Variants in HDAC4 observed in about 807,000 individuals in gnomAD.
The protein encoded by HDAC4 is histone deacetylase A.
In HDAC4, 16 loss-of-function variants were observed where a neutral mutation model predicts 135.1. The ratio of observed to expected loss-of-function variants is 0.12; its 90% CI spans 0.08 to 0.18. The LOEUF is 0.18. Among genes scored for constraint, HDAC4 ranks in the 10% least tolerant of loss-of-function variants. HDAC4 has a pLI of 1.00. For synonymous variants in HDAC4, 685 were observed against 653.4 expected, an observed-to-expected ratio of 1.05 and a Z score of -0.74; for missense variants, 1,143 against 1,511.8, an observed-to-expected ratio of 0.76 and a Z score of 4.05.
Position 239,352,902 on chromosome 2 carries a change from G to A in HDAC4, c.-203C>T. The A allele has an allele frequency of 1.6e-6, 1 of 609,648 alleles. No individual in the cohort carries two copies. Among genetic ancestry groups the A allele is most frequent in the African/African-American group, 1.8e-5 (1 of 54,316 alleles). 37.8% of individuals were successfully genotyped at this position (609,648 alleles called of 1,614,324 possible). A position where few individuals can be genotyped will look rare whatever the true frequency, so the allele number is the denominator to read the frequency against. ...CACAAGTTGAACAGAGGCGTCCGCT[G>A]GCTTCTGCAGATGAACCTGCAAGGT... is the stretch of plus-strand genomic sequence containing the variant. On this transcript the variant is annotated 5_prime_UTR_variant, in exon 2 of 27. Transcript: ENST00000543185. This position sits in a 1 kb window ranked among gnomAD's most constrained non-coding sequence, Gnocchi z 4.4.
chr2:239,259,750 G>C (rs1472125833), intron 2 of HDAC4, among the ~76,000 whole-genome samples: 1 of 152,254 alleles, frequency 6.6e-6, no homozygotes, highest in African/African-American at 2.4e-5. Context: ...GACTAATGAA[G>C]AGGAAAGATC....
At chr2:239,199,732 ATTTCT>A (rs2153070037) in intron 3 of HDAC4, among the ~76,000 whole-genome samples, 1 of 102,206 alleles carries the variant, frequency 9.8e-6, no homozygotes, top group South Asian at 4.6e-4. Context: ...CTTCCTGTAC[ATTTCT>A]TTTTTTTTTT....
chr2:239,318,608 C>T (rs1409601593), intron 2 of HDAC4, among the ~76,000 whole-genome samples: 1 of 151,338 alleles, frequency 6.6e-6, no homozygotes, highest in Non-Finnish European at 1.5e-5. Context: ...AGAGTGACCA[C>T]GCTTATCTGA....
rs954860488 is a variant in HDAC4, at chr2:239,141,696, C to T, written c.866-1900G>A. ...GCTGTCTCCAGCTACACACCAAGAT[C>T]CAGCAGATCTTCCCTGTAATGGGTG... On this transcript the variant is annotated intron_variant, in intron 8 of 26. Coordinates refer to ENST00000543185, the MANE Select transcript of HDAC4 (RefSeq NM_001378414.1). The surrounding 1 kb of genome is among the most constrained non-coding windows in gnomAD (Gnocchi z 4.9). Among the ~76,000 whole-genome samples the T allele has an allele frequency of 2.0e-4, 31 of 152,176 alleles. No individual in the cohort carries two copies. The highest frequency in any genetic ancestry group is 6.8e-4 in the African/African-American group (28 of 41,438).
chr2:239,345,056 C>T (rs370954852), intron 2 of HDAC4, among the ~76,000 whole-genome samples: 1 of 152,134 alleles, frequency 6.6e-6, no homozygotes, highest in African/African-American at 2.4e-5. Flanking sequence ...GCTGCCTACA[C>T]ACCCCCTCCT....
chr2:239,077,849 T>C (rs1559380751), intron 22 of HDAC4, among the ~76,000 whole-genome samples: 1 of 152,134 alleles, frequency 6.6e-6, no homozygotes, highest in Non-Finnish European at 1.5e-5. Context: ...GAACGAACAT[T>C]CAAGAGCCTC....
chr2:239,312,997 G>C (rs1170269904), intron 2 of HDAC4, among the ~76,000 whole-genome samples: 1 of 152,224 alleles, frequency 6.6e-6, no homozygotes, highest in Non-Finnish European at 1.5e-5. Context: ...GCCGACGGGA[G>C]GCAGACGAGG....
chr2:239,291,611 C>T (rs1374063329), intron 2 of HDAC4, among the ~76,000 whole-genome samples: 2 of 152,230 alleles, frequency 1.3e-5, no homozygotes, highest in African/African-American at 4.8e-5. Flanking sequence ...CTGCTCAGGC[C>T]TGGAGAATGA....
rs147945400 is a variant in HDAC4 at position 239,111,623 on chromosome 2, G to A, written c.1881C>T (p.Gly627=). 279 of 1,609,842 alleles carry A rather than the reference G, an allele frequency of 1.7e-4. No homozygotes were observed. The highest frequency in any genetic ancestry group is 1.6e-3 in the African/African-American group (120 of 74,990). The change falls in exon 14 of 27, where the codon GGC becomes GGT. Residue 627 remains glycine, a synonymous_variant. Coordinates refer to ENST00000543185, the MANE Select transcript of HDAC4 (RefSeq NM_001378414.1). ...GCGCCCGGGACAGAGGCCTGTGGCC[G>A]CCGAAGGACACGGGGATGCCGGCGG... The part of the protein sequence containing the change: ...MEAAGIPVSF[G]GHRPLSRAQS...
chr2:239,247,126 C>T (rs1255622570), intron 2 of HDAC4, among the ~76,000 whole-genome samples: 5 of 152,268 alleles, frequency 3.3e-5, no homozygotes, highest in Non-Finnish European at 7.3e-5. Context: ...TGGAGACTAG[C>T]TCTGCGGTCT....
Position 239,144,815 on chromosome 2 carries a change from T to A in HDAC4, c.734-101A>T. On this transcript the variant is annotated intron_variant, in intron 7 of 26. Transcript: ENST00000543185. ...AAATACGCACTCTGGTGAGTAAATA[T>A]TTGCTCAACACTGCTGTGTTGCTGC... The A allele has an allele frequency of 2.4e-6, 3 of 1,263,040 alleles. No individual in the cohort carries two copies. The Admixed American group carries it at 5.3e-5, about 22-fold the overall frequency. The allele number at this position is 1,263,040 out of a possible 1,614,324, so 78.2% of individuals were successfully genotyped here.
rs1477834965 is a variant in HDAC4, at chr2:239,183,409, C to T, written c.339+6424G>A. Among the ~76,000 whole-genome samples, 12 of 152,238 alleles carry T rather than the reference C, an allele frequency of 7.9e-5. No homozygotes were observed. The East Asian group carries it at 1.3e-3, about 17-fold the overall frequency. ...CCGCGCCCGCATAAAGCGGCAGGGG[C>T]CAGGAGGAAAGGGCGGCAGAATGGA... On this transcript the variant is annotated intron_variant, in intron 4 of 26. Transcript: ENST00000543185.
chr2:239,393,603 AC>A (rs1696372986), intron 1 of HDAC4, among the ~76,000 whole-genome samples: 1 of 62,782 alleles, frequency 1.6e-5, no homozygotes, highest in African/African-American at 6.0e-5. Context: ...CCCCATTCCC[AC>A]CCACCCAGCC....
intron 2 of HDAC4, among the ~76,000 whole-genome samples, chr2:239,346,132 C>A (rs1284005688): frequency 2.0e-5 from 3 of 148,566 alleles, no homozygotes. Flanking sequence ...ACACACACAC[C>A]CCCATCTCAC....
chr2:239,314,485 C>T (rs2053033830), intron 2 of HDAC4, among the ~76,000 whole-genome samples: 1 of 152,302 alleles, frequency 6.6e-6, no homozygotes, highest in South Asian at 2.1e-4. Context: ...AGCCCACACT[C>T]TCCCTGGAGC....
chr2:239,193,952 A>C (rs1255625991), intron 3 of HDAC4, among the ~76,000 whole-genome samples: 1 of 152,218 alleles, frequency 6.6e-6, no homozygotes, highest in Non-Finnish European at 1.5e-5. Context: ...GTCAGAGGCA[A>C]AATTCAGTGT....
intron 3 of HDAC4, among the ~76,000 whole-genome samples, chr2:239,200,933 C>A (rs886563189): frequency 6.6e-6 from 1 of 152,134 alleles, no homozygotes; most frequent in African/African-American, 2.4e-5. Flanking sequence ...AGAACTGCAG[C>A]AGAGGAGACT....
At chr2:239,179,220 T>C (rs2043978505) in intron 4 of HDAC4, among the ~76,000 whole-genome samples, 1 of 152,210 alleles carries the variant, frequency 6.6e-6, no homozygotes, top group Non-Finnish European at 1.5e-5. Context: ...CTGGCGCCCA[T>C]GGGATGCCAC....
At chr2:239,116,850 A>G (rs1218763288) in intron 12 of HDAC4, among the ~76,000 whole-genome samples, 1 of 152,148 alleles carries the variant, frequency 6.6e-6, no homozygotes, top group African/African-American at 2.4e-5. Context: ...CCACTCCAAG[A>G]GGCTTTGTGA....
Sources: gnomAD v4.1 joint callset for allele counts (sites outside exome capture counted in the v4.1 genomes callset) on GRCh38, gnomAD v4.1.1 for gene constraint, Gnocchi (gnomAD v3.1) non-coding constraint, MANE v1.5 for transcripts, NCBI Gene and HGNC (gene_info 2026-07-23, HGNC 2026-07-21) for gene names.